The following RAPGEF1 variants were observed in gnomAD, a reference collection of about 807,000 sequenced individuals.
RAPGEF1 encodes the protein CRK SH3-binding GNRP.
RAPGEF1 carries 33 observed loss-of-function variants against 143.3 expected under a neutral mutation model. The observed-to-expected ratio is 0.23, with a 90% CI of 0.17 to 0.31. RAPGEF1 has a LOEUF of 0.31. RAPGEF1 is among the 10% of genes least tolerant of loss of function. RAPGEF1 has a pLI of 1.00. For missense variants in RAPGEF1, 1,199 were observed against 1,645.4 expected (o/e 0.73, Z 4.69); for synonymous variants, 629 against 676.5 (o/e 0.93, Z 1.09).
At chr9:131,669,605 C>T (rs1458849215) in intron 1 of RAPGEF1, among the ~76,000 whole-genome samples, 1 of 152,146 alleles carries the variant, frequency 6.6e-6, no homozygotes, top group East Asian at 1.9e-4. Flanking sequence ...GAGGAGAAAG[C>T]GTCAACTCGC....
At chr9:131,717,032 C>G (rs1835911575) in intron 1 of RAPGEF1, among the ~76,000 whole-genome samples, 1 of 152,188 alleles carries the variant, frequency 6.6e-6, no homozygotes, top group South Asian at 2.1e-4. Flanking sequence ...TCTCAAAGAT[C>G]AGTGTTGAGG....
Position 131,586,666 on chromosome 9 carries a change from A to C in RAPGEF1, c.3233+1070T>G, listed in dbSNP as rs1264537333. 4.1e-5 allele frequency among the ~76,000 whole-genome samples: 5 copies of C among 123,016 alleles called. 1 individual carries two copies. The highest frequency in any genetic ancestry group is 5.7e-4 in the South Asian group (2 of 3,494). 80.7% of individuals were successfully genotyped at this position (123,016 alleles called of 152,430 possible). On this transcript the variant is annotated intron_variant, in intron 22 of 26. Transcript: ENST00000683357. ...CCGTCTCAAACACACACACACACAC[A>C]CACCCCTGCAGAGTGAGACTCCGTC...
At chr9:131,639,874 G>T (rs1031328997) in intron 4 of RAPGEF1, among the ~76,000 whole-genome samples, 2 of 152,202 alleles carry the variant, frequency 1.3e-5, no homozygotes, top group Non-Finnish European at 2.9e-5. Flanking sequence ...GTGCTTTAAT[G>T]AGAAGCTCTT....
chr9:131,643,171 C>T (rs1172037520), intron 4 of RAPGEF1, 68 bp downstream of exon 4: 8 of 1,488,960 alleles, frequency 5.4e-6, no homozygotes, highest in African/African-American at 1.4e-5. Context: ...GTTTCCAGTG[C>T]CACCAAACCA....
chr9:131,588,891 C>G lies in RAPGEF1; in HGVS notation c.2963G>C (p.Arg988Pro). 6.2e-7 allele frequency: 1 copy of G among 1,613,942 alleles called. No homozygotes were observed. Among genetic ancestry groups the G allele is most frequent in the South Asian group, 1.1e-5 (1 of 91,082 alleles). The stretch of plus-strand genomic sequence containing the variant: ...GTCCACCTTGTCCAGGATGTTCTTC[C>G]GGAGCACACGGGCCAGGCTCAGCTC... ...NGELSLARVL[R>P]KNILDKVDQK... is the part of the protein sequence containing the mutation. The change falls in exon 20 of 27, where the codon CGG becomes CCG. Residue 988 changes from arginine (R) to proline (P), a missense_variant. Physicochemically the swap from Arg to Pro is moderately radical, Grantham distance 103. Coordinates refer to ENST00000683357, the MANE Select transcript of RAPGEF1 (RefSeq NM_001377935.1).
rs1234150225 is a variant in RAPGEF1 at position 131,579,483 on chromosome 9, C to T, written c.*14G>A. Reference sequence around the variant, plus strand: ...GCGCCCCTCGAGCATTCTCCTGGATCCCGGCGTCTGCTCCTAGGTCTTCTC... The same window carrying T: ...GCGCCCCTCGAGCATTCTCCTGGATTCCGGCGTCTGCTCCTAGGTCTTCTC... On this transcript the variant is annotated 3_prime_UTR_variant, in exon 27 of 27. Coordinates refer to ENST00000683357, the MANE Select transcript of RAPGEF1 (RefSeq NM_001377935.1). The T allele has an allele frequency of 1.2e-6, 2 of 1,612,848 alleles. No homozygotes were observed. The highest frequency in any genetic ancestry group is 2.7e-5 in the African/African-American group (2 of 74,846).
chr9:131,599,746 C>T (rs539274474), intron 15 of RAPGEF1, among the ~76,000 whole-genome samples: 1 of 152,158 alleles, frequency 6.6e-6, no homozygotes, highest in Non-Finnish European at 1.5e-5. Flanking sequence ...GCATTTTCTT[C>T]CATGTTCCTC....
chr9:131,716,795 C>T (rs1240659574), intron 1 of RAPGEF1, among the ~76,000 whole-genome samples: 1 of 151,956 alleles, frequency 6.6e-6, no homozygotes, highest in East Asian at 1.9e-4. Flanking sequence ...TAATAAAAAC[C>T]CCTCGATGCT....
rs140425445 is a variant in RAPGEF1 at position 131,643,731 on chromosome 9, C to T, written c.316-314G>A. Reference sequence around the variant, plus strand: ...GCCACACTGACAGACCACCACTAACCCTGTTAACTAGAGTGAGGACTAATT... The same window carrying T: ...GCCACACTGACAGACCACCACTAACTCTGTTAACTAGAGTGAGGACTAATT... On this transcript the variant is annotated intron_variant, in intron 3 of 26. Transcript: ENST00000683357. 7.2e-5 allele frequency among the ~76,000 whole-genome samples: 11 copies of T among 152,296 alleles called. No homozygotes were observed. In the East Asian group the frequency reaches 2.1e-3, roughly 29 times the overall value.
intron 1 of RAPGEF1, among the ~76,000 whole-genome samples, chr9:131,711,601 G>C (rs967686102): frequency 2.6e-5 from 4 of 151,862 alleles, no homozygotes; most frequent in Non-Finnish European, 5.9e-5. Context: ...CAAGTGATCC[G>C]CCCGCCTCGG....
chr9:131,735,676 C>G (rs562021814), intron 1 of RAPGEF1, among the ~76,000 whole-genome samples: 1 of 152,116 alleles, frequency 6.6e-6, no homozygotes, highest in Non-Finnish European at 1.5e-5. Context: ...GGGATGCAAA[C>G]GCAAATGTCA....
At chr9:131,639,845 C>G (rs977097126) in intron 4 of RAPGEF1, among the ~76,000 whole-genome samples, 11 of 152,152 alleles carry the variant, frequency 7.2e-5, no homozygotes, top group East Asian at 1.9e-4. Flanking sequence ...CTATTTAGAA[C>G]AAAAATGTGA....
In RAPGEF1 at chr9:131,739,842, C is replaced by A; in HGVS notation, c.-12G>T. On this transcript the variant is annotated 5_prime_UTR_variant, in exon 1 of 27. Coordinates refer to ENST00000683357, the MANE Select transcript of RAPGEF1 (RefSeq NM_001377935.1). ...AGGCCGCCGCTCATCGGGCCCGGGC[C>A]GGGCCGCCGCGGGGCGACAGGGGCG... is the stretch of plus-strand genomic sequence containing the variant. 9.8e-7 allele frequency: 1 copy of A among 1,022,064 alleles called. No individual in the cohort carries two copies. Among genetic ancestry groups the A allele is most frequent in the African/African-American group, 1.7e-5 (1 of 57,208 alleles). The allele number at this position is 1,022,064 out of a possible 1,614,324, so 63.3% of individuals were successfully genotyped here.
At chr9:131,733,786 G>A (rs1431920324) in intron 1 of RAPGEF1, among the ~76,000 whole-genome samples, 1 of 152,168 alleles carries the variant, frequency 6.6e-6, no homozygotes, top group African/African-American at 2.4e-5. Flanking sequence ...GTAAGACCCA[G>A]CCTGGCACTC....
intron 1 of RAPGEF1, among the ~76,000 whole-genome samples, chr9:131,659,034 T>C (rs1973280516): frequency 6.6e-6 from 1 of 152,226 alleles, no homozygotes; most frequent in Non-Finnish European, 1.5e-5. Context: ...GCAGCCAATC[T>C]TGAGAAACGC....
intron 1 of RAPGEF1, among the ~76,000 whole-genome samples, chr9:131,697,968 C>T (rs1834318055): frequency 6.6e-6 from 1 of 152,016 alleles, no homozygotes; most frequent in Admixed American, 6.5e-5. Flanking sequence ...CAAAGTGGGG[C>T]GTGAAGGGGA....
intron 18 of RAPGEF1, 65 bp from the exon 19 acceptor site, chr9:131,590,043 C>G: frequency 1.4e-6 from 2 of 1,416,324 alleles, no homozygotes; most frequent in Non-Finnish European, 2.0e-6. Flanking sequence ...AGGACTGACT[C>G]CTGGTGACCA....
chr9:131,586,927 AAC>A (rs1189840305), intron 22 of RAPGEF1, among the ~76,000 whole-genome samples: 5 of 55,356 alleles, frequency 9.0e-5, no homozygotes, highest in East Asian at 5.5e-4. Context: ...CTCCGTCTCA[AAC>A]ACACACACAC....
chr9:131,579,957 G>A (rs1307675842), intron 26 of RAPGEF1, among the ~76,000 whole-genome samples: 1 of 152,240 alleles, frequency 6.6e-6, no homozygotes, highest in African/African-American at 2.4e-5. Context: ...TCAGAGTCAG[G>A]CAGGCCAGGG....
Sources: gnomAD v4.1 joint callset for allele counts (sites outside exome capture counted in the v4.1 genomes callset) on GRCh38, gnomAD v4.1.1 for gene constraint, MANE v1.5 for transcripts, NCBI Gene and HGNC (gene_info 2026-07-23, HGNC 2026-07-21) for gene names.